Variants in LDB2 observed in about 807,000 individuals in gnomAD.
The protein encoded by LDB2 is LIM domain binding 2, also known as LIM domain-binding protein 2.
A neutral mutation model predicts 44.3 loss-of-function variants in LDB2; 12 were observed. That is an observed-to-expected ratio of 0.27 (90% CI 0.17 to 0.44). LDB2 has a LOEUF of 0.44. Ranked by LOEUF, LDB2 falls within the 20% of genes least tolerant of loss-of-function variation. The pLI, the probability that LDB2 is intolerant of heterozygous loss-of-function variation, is 1.00. For synonymous variants in LDB2, 164 were observed against 174.8 expected (o/e 0.94, Z 0.49); for missense variants, 344 against 473.5 (o/e 0.73, Z 2.54).
chr4:16,645,180 A>G (rs1346086717), intron 2 of LDB2, among the ~76,000 whole-genome samples: 1 of 152,232 alleles, frequency 6.6e-6, no homozygotes, highest in Non-Finnish European at 1.5e-5. Context: ...CCACTAATTC[A>G]GAGTCTAAGC....
At chr4:16,809,302 G>A (rs1431133983) in intron 1 of LDB2, among the ~76,000 whole-genome samples, 1 of 152,130 alleles carries the variant, frequency 6.6e-6, no homozygotes, top group African/African-American at 2.4e-5. Context: ...CTCAATTATG[G>A]TATTTTTGCT....
chr4:16,882,204 T>C (rs1329950455), intron 1 of LDB2, among the ~76,000 whole-genome samples: 3 of 152,268 alleles, frequency 2.0e-5, no homozygotes, highest in African/African-American at 7.2e-5. Flanking sequence ...AGGGCAGGGT[T>C]TATATATGGT....
At chr4:16,846,135 A>T (rs1193393326) in intron 1 of LDB2, among the ~76,000 whole-genome samples, 1 of 151,808 alleles carries the variant, frequency 6.6e-6, no homozygotes, top group African/African-American at 2.4e-5. Flanking sequence ...AAAAAAGTTA[A>T]TAAGTAGCAA....
intron 1 of LDB2, among the ~76,000 whole-genome samples, chr4:16,814,914 G>GA (rs1298257543): frequency 3.3e-5 from 5 of 152,046 alleles, no homozygotes; most frequent in Non-Finnish European, 4.4e-5. Context: ...GAAGTTGGAA[G>GA]AAAAAAACAT....
intron 2 of LDB2, among the ~76,000 whole-genome samples, chr4:16,645,394 G>A (rs1038265150): frequency 3.3e-5 from 5 of 151,582 alleles, no homozygotes; most frequent in Admixed American, 2.6e-4. Flanking sequence ...AAAATTAGCC[G>A]GGCGCGGTGG....
At chr4:16,719,555 T>A (rs1483647589) in intron 2 of LDB2, among the ~76,000 whole-genome samples, 2 of 152,096 alleles carry the variant, frequency 1.3e-5, no homozygotes, top group Admixed American at 6.6e-5. Context: ...TGTCTTAGAA[T>A]CCTATCTTTC....
chr4:16,728,511 G>A (rs1016533599), intron 2 of LDB2, among the ~76,000 whole-genome samples: 1 of 152,012 alleles, frequency 6.6e-6, no homozygotes, highest in African/African-American at 2.4e-5. Flanking sequence ...AACCTAGGGA[G>A]GCAAAAAGGA....
At chr4:16,543,306 T>C (rs1340093746) in intron 5 of LDB2, among the ~76,000 whole-genome samples, 1 of 152,174 alleles carries the variant, frequency 6.6e-6, no homozygotes, top group African/African-American at 2.4e-5. Context: ...GATGGTTGGG[T>C]CAAATGGTAT....
intron 5 of LDB2, among the ~76,000 whole-genome samples, chr4:16,567,393 T>C (rs1744913650): frequency 8.4e-5 from 1 of 11,846 alleles, no homozygotes; most frequent in Non-Finnish European, 5.1e-4. Context: ...TGCGCGTGTG[T>C]GCATGCGTGT....
At chr4:16,697,056 C>T (rs2152620906) in intron 2 of LDB2, among the ~76,000 whole-genome samples, 1 of 152,120 alleles carries the variant, frequency 6.6e-6, no homozygotes, top group East Asian at 1.9e-4. Context: ...TGGCCTTAAG[C>T]ACAAAAGGAG....
intron 1 of LDB2, among the ~76,000 whole-genome samples, chr4:16,766,422 A>G (rs1413977382): frequency 6.6e-6 from 1 of 150,578 alleles, no homozygotes; most frequent in Admixed American, 6.6e-5. Context: ...ATATATGTCT[A>G]TATATAAATG....
At chr4:16,782,600 T>A (rs2109481343) in intron 1 of LDB2, among the ~76,000 whole-genome samples, 1 of 152,292 alleles carries the variant, frequency 6.6e-6, no homozygotes, top group South Asian at 2.1e-4. Context: ...TCCTCCTGCC[T>A]CGGCCTCCCA....
intron 2 of LDB2, among the ~76,000 whole-genome samples, chr4:16,655,100 A>G (rs1196852414): frequency 1.3e-5 from 2 of 152,210 alleles, no homozygotes; most frequent in Non-Finnish European, 2.9e-5. Context: ...ACTTCTCCCC[A>G]TGCAGAAATC....
At chr4:16,755,523 G>T (rs1271748572) in intron 2 of LDB2, among the ~76,000 whole-genome samples, 1 of 46,144 alleles carries the variant, frequency 2.2e-5, no homozygotes, top group African/African-American at 6.7e-5. Context: ...GTGTGTGTGT[G>T]TATGTGAGAG....
Position 16,645,531 on chromosome 4 carries a change from G to A in LDB2, c.236-49656C>T, listed in dbSNP as rs1048594076. Among the ~76,000 whole-genome samples, 14 of 123,950 alleles carry A rather than the reference G, an allele frequency of 1.1e-4. 1 individual carries two copies. The South Asian group carries it at 1.2e-3, about 11-fold the overall frequency. 81.3% of individuals were successfully genotyped at this position (123,950 alleles called of 152,430 possible). ...CGCAGTCCGGCCTGGGCGACAGAGC[G>A]AGACTCCGTCTCAAAAAAAAAAAAA... On this transcript the variant is annotated intron_variant, in intron 2 of 7. Coordinates refer to ENST00000304523, the MANE Select transcript of LDB2 (RefSeq NM_001290.5).
chr4:16,860,247 A>G (rs1580292297), intron 1 of LDB2, among the ~76,000 whole-genome samples: 1 of 152,180 alleles, frequency 6.6e-6, no homozygotes, highest in Admixed American at 6.5e-5. Context: ...ACTTTCCTGT[A>G]CCATTTAAAT....
At chr4:16,759,628 A>G (rs565383200) in intron 1 of LDB2, among the ~76,000 whole-genome samples, 8 of 152,172 alleles carry the variant, frequency 5.3e-5, no homozygotes, top group Non-Finnish European at 1.2e-4. Flanking sequence ...CTCTTTTAAG[A>G]GTTCATTTTT....
Position 16,524,008 on chromosome 4 carries a change from G to T in LDB2, c.616-11904C>A, listed in dbSNP as rs561539867. Among the ~76,000 whole-genome samples the T allele has an allele frequency of 1.2e-3, 185 of 152,246 alleles. 2 individuals carry two copies. In the South Asian group the frequency reaches 0.037, roughly 31 times the overall value. ...TAGAGGGCTGGGCTGTATCCTGTGA[G>T]TTTATTTTATTTATCTTTCAAGTTA... On this transcript the variant is annotated intron_variant, in intron 5 of 7. Transcript: ENST00000304523.
intron 1 of LDB2, among the ~76,000 whole-genome samples, chr4:16,818,191 A>G (rs909814586): frequency 1.3e-5 from 2 of 152,226 alleles, no homozygotes; most frequent in South Asian, 2.1e-4. Flanking sequence ...TAGTACCACA[A>G]TCTCCCCACA....
Sources: gnomAD v4.1 joint callset for allele counts (sites outside exome capture counted in the v4.1 genomes callset) on GRCh38, gnomAD v4.1.1 for gene constraint, MANE v1.5 for transcripts, NCBI Gene and HGNC (gene_info 2026-07-23, HGNC 2026-07-21) for gene names.